The following MALRD1 variants were observed in gnomAD, a reference collection of about 807,000 sequenced individuals.
The protein encoded by MALRD1 is MAM and LDL receptor class A domain containing 1.
A neutral mutation model predicts 242.1 loss-of-function variants in MALRD1; 247 were observed. The observed-to-expected ratio is 1.02, with a 90% CI of 0.92 to 1.13. MALRD1 has a LOEUF of 1.13. Among genes scored for constraint, MALRD1 ranks in the 50% most tolerant of loss-of-function variants. MALRD1 has a pLI of 0.00. For synonymous variants in MALRD1, 995 were observed against 866.6 expected (o/e 1.15, Z -2.60); for missense variants, 2,989 against 2,533.1 (o/e 1.18, Z -3.86).
chr10:19,301,890 T>C (rs893016811), intron 21 of MALRD1, among the ~76,000 whole-genome samples: 2 of 151,718 alleles, frequency 1.3e-5, no homozygotes, highest in African/African-American at 4.8e-5. Context: ...AAAAAGAATA[T>C]GTAAATAACT....
chr10:19,103,562 A>AAAAT (rs1554789200), intron 4 of MALRD1, among the ~76,000 whole-genome samples: 118 of 142,660 alleles, frequency 8.3e-4, no homozygotes, highest in African/African-American at 3.0e-3. Flanking sequence ...AAAAAAAAAA[A>AAAAT]AAATAAATAA....
intron 29 of MALRD1, among the ~76,000 whole-genome samples, chr10:19,485,658 A>AAT (rs1837205560): frequency 6.6e-6 from 1 of 151,426 alleles, no homozygotes; most frequent in African/African-American, 2.4e-5. Context: ...AAAAAAAAAA[A>AAT]ATAGTAATAA....
intron 8 of MALRD1, among the ~76,000 whole-genome samples, chr10:19,132,719 T>G (rs1365514213): frequency 6.6e-6 from 1 of 152,204 alleles, no homozygotes; most frequent in Non-Finnish European, 1.5e-5. Context: ...TATGTCAATC[T>G]TCACATTTTT....
At chr10:19,470,315 G>A (rs1249565803) in intron 29 of MALRD1, among the ~76,000 whole-genome samples, 2 of 151,836 alleles carry the variant, frequency 1.3e-5, no homozygotes, top group African/African-American at 2.4e-5. Flanking sequence ...CATTGCGTGT[G>A]TATACCACAT....
intron 28 of MALRD1, among the ~76,000 whole-genome samples, chr10:19,441,287 G>A (rs1017757912): frequency 1.3e-5 from 2 of 152,126 alleles, no homozygotes; most frequent in African/African-American, 2.4e-5. Flanking sequence ...CCATTCTGTA[G>A]ATTGCCTGTT....
In MALRD1 at chr10:19,567,596, C is replaced by T; in HGVS notation, c.5573C>T (p.Ser1858Phe). The T allele has an allele frequency of 6.4e-7, 1 of 1,550,512 alleles. No homozygotes were observed. The highest frequency in any genetic ancestry group is 2.4e-5 in the East Asian group (1 of 40,900). Reference sequence around the variant, plus strand: ...TGGACATATGGCTCTGTGCCTCTCTCCAGTAACAGTCCGTTTAAGGTGGCA... The same window carrying T: ...TGGACATATGGCTCTGTGCCTCTCTTCAGTAACAGTCCGTTTAAGGTGGCA... ...TGWTYGSVPL[S>F]SNSPFKVAFE... The change falls in exon 33 of 40, where the codon TCC (serine) becomes TTC (phenylalanine). Residue 1858 changes from serine to phenylalanine, a missense_variant. Transcript: ENST00000454679.
chr10:19,730,387 T>C (rs1337001592), intron 38 of MALRD1, among the ~76,000 whole-genome samples: 1 of 152,178 alleles, frequency 6.6e-6, no homozygotes, highest in East Asian at 1.9e-4. Flanking sequence ...CTTTCTAATG[T>C]TGGACACTTT....
rs1390775558 is a variant in MALRD1 at position 19,499,136 on chromosome 10, CA to C, written c.5320+492del. ...TGAGTGAGTATCAGCATAATCTTCA[CA>C]AGTGTTGCTTTCTGCCCTGTGATTT... On this transcript the variant is annotated intron_variant, in intron 31 of 39. Coordinates refer to ENST00000454679, the MANE Select transcript of MALRD1 (RefSeq NM_001142308.3). 4.6e-5 allele frequency among the ~76,000 whole-genome samples: 7 copies of C among 152,134 alleles called. No individual in the cohort carries two copies. The South Asian group carries it at 1.4e-3, about 32-fold the overall frequency.
At chr10:19,439,524 C>A (rs1226545001) in intron 28 of MALRD1, among the ~76,000 whole-genome samples, 1 of 130,796 alleles carries the variant, frequency 7.6e-6, no homozygotes, top group Non-Finnish European at 1.7e-5. Context: ...GGCAACAAAG[C>A]AAGACCCTGT....
At chr10:19,646,588 G>A (rs528688188) in intron 36 of MALRD1, among the ~76,000 whole-genome samples, 11 of 151,502 alleles carry the variant, frequency 7.3e-5, no homozygotes, top group Middle Eastern at 6.8e-3. Context: ...CTGGGTGACA[G>A]AGCGAGACTG....
chr10:19,426,788 T>C (rs1297104738), intron 28 of MALRD1, among the ~76,000 whole-genome samples: 1 of 152,112 alleles, frequency 6.6e-6, no homozygotes, highest in African/African-American at 2.4e-5. Context: ...GGGCTCCATC[T>C]CAAAACAAAC....
At chr10:19,460,869 A>G (rs1416320210) in intron 29 of MALRD1, among the ~76,000 whole-genome samples, 1 of 152,056 alleles carries the variant, frequency 6.6e-6, no homozygotes, top group African/African-American at 2.4e-5. Context: ...GTTGAAGCAC[A>G]CTCTGCGCAG....
At chr10:19,596,388 AC>A (rs1171472440) in intron 34 of MALRD1, among the ~76,000 whole-genome samples, 8 of 152,154 alleles carry the variant, frequency 5.3e-5, no homozygotes, top group African/African-American at 1.9e-4. Context: ...TAATGACTAT[AC>A]TTTTTGGTAT....
At chr10:19,319,394 C>G (rs943926279) in intron 21 of MALRD1, among the ~76,000 whole-genome samples, 3 of 152,064 alleles carry the variant, frequency 2.0e-5, no homozygotes, top group African/African-American at 7.2e-5. Flanking sequence ...TTCTTTCCAT[C>G]AGTACTTCAC....
chr10:19,640,398 T>A (rs1016208572), intron 36 of MALRD1, among the ~76,000 whole-genome samples: 1 of 152,202 alleles, frequency 6.6e-6, no homozygotes, highest in Non-Finnish European at 1.5e-5. Context: ...CTTCATTGTC[T>A]TCTACTCACT....
intron 28 of MALRD1, among the ~76,000 whole-genome samples, chr10:19,425,484 C>T (rs1392417309): frequency 6.6e-6 from 1 of 152,006 alleles, no homozygotes; most frequent in Non-Finnish European, 1.5e-5. Flanking sequence ...ACCCACACAT[C>T]TGTCTGTGAC....
intron 18 of MALRD1, among the ~76,000 whole-genome samples, chr10:19,256,323 GAAT>G (rs1160072113): frequency 6.6e-6 from 1 of 152,042 alleles, no homozygotes; most frequent in Non-Finnish European, 1.5e-5. Flanking sequence ...AAATAAAACA[GAAT>G]ACGTTTTTCT....
intron 18 of MALRD1, among the ~76,000 whole-genome samples, chr10:19,245,643 A>G (rs1347906338): frequency 6.6e-6 from 1 of 152,172 alleles, no homozygotes; most frequent in African/African-American, 2.4e-5. Flanking sequence ...CACAGAACTT[A>G]GATTAGATTA....
chr10:19,468,684 A>G (rs1017290543), intron 29 of MALRD1, among the ~76,000 whole-genome samples: 1 of 152,034 alleles, frequency 6.6e-6, no homozygotes, highest in Non-Finnish European at 1.5e-5. Flanking sequence ...CTGTGAGGTT[A>G]GCTGGGGGCC....
Sources: allele counts gnomAD v4.1 joint callset (sites outside exome capture counted in the v4.1 genomes callset), GRCh38; gene constraint gnomAD v4.1.1; transcripts MANE v1.5; gene names NCBI Gene and HGNC (gene_info 2026-07-23, HGNC 2026-07-21).